Variants in STMN1 observed in about 807,000 individuals in gnomAD.
STMN1 encodes stathmin.
STMN1 carries 3 observed loss-of-function variants against 19.7 expected under a neutral mutation model. The observed-to-expected ratio is 0.15, with a 90% CI of 0.07 to 0.39. The LOEUF (loss-of-function observed/expected upper bound fraction) is 0.39. STMN1 is among the 10% of genes least tolerant of loss of function. STMN1 has a pLI of 1.00. For synonymous variants in STMN1, 59 were observed against 58.9 expected (o/e 1.00, Z -0.01); for missense variants, 99 against 176.0 (o/e 0.56, Z 2.48).
chr1:25,897,303 A>C (rs1436095600), downstream of STMN1, among the ~76,000 whole-genome samples: 9 of 140,762 alleles, frequency 6.4e-5, no homozygotes, highest in African/African-American at 2.4e-4. Context: ...ACAGAGCAAG[A>C]CTGTCTCGAA....
At chr1:25,898,861 G>A (rs1006507673), downstream of STMN1, among the ~76,000 whole-genome samples, 1 of 152,178 alleles carries the variant, frequency 6.6e-6, no homozygotes, top group Non-Finnish European at 1.5e-5. Context: ...TTCCCCAGAA[G>A]CTCGTAGGTG....
intron 4 of STMN1, among the ~76,000 whole-genome samples, chr1:25,890,828 G>A (rs569410179): frequency 6.6e-5 from 10 of 152,200 alleles, no homozygotes; most frequent in Non-Finnish European, 1.3e-4. Flanking sequence ...GAAAGAAGAG[G>A]TGAGCACAGG....
chr1:25,888,673 G>C (rs183930800), intron 4 of STMN1, among the ~76,000 whole-genome samples: 4 of 152,218 alleles, frequency 2.6e-5, no homozygotes, highest in South Asian at 4.2e-4. Context: ...AAAAACAGTG[G>C]CTTAAACAAG....
chr1:25,902,821 G>GGT (rs1213743030), intron 3 of STMN1: 1 of 152,164 alleles, frequency 6.6e-6, no homozygotes, highest in Non-Finnish European at 1.5e-5. Context: ...TCTTCGGGCG[G>GGT]GTGTGTGTGT....
chr1:25,898,300 T>C (rs1165435003), downstream of STMN1, among the ~76,000 whole-genome samples: 1 of 152,196 alleles, frequency 6.6e-6, no homozygotes, highest in East Asian at 1.9e-4. Flanking sequence ...TTCATCTGAC[T>C]TCCAAAAGGA....
At chr1:25,896,815 G>C (rs1026654677), downstream of STMN1, among the ~76,000 whole-genome samples, 3 of 152,142 alleles carry the variant, frequency 2.0e-5, no homozygotes, top group Non-Finnish European at 4.4e-5. Context: ...TTTCACCTGG[G>C]CAAAAAGGGA....
intron 4 of STMN1, among the ~76,000 whole-genome samples, chr1:25,886,332 A>T (rs1029908234): frequency 6.6e-6 from 1 of 152,218 alleles, no homozygotes; most frequent in African/African-American, 2.4e-5. Flanking sequence ...TCTATTCTCC[A>T]TCATTAGCTT....
chr1:25,901,116 T>TC (rs2048867429), intron 4 of STMN1, 29 bp from the exon 5 acceptor site: 3 of 969,326 alleles, frequency 3.1e-6, no homozygotes, highest in Non-Finnish European at 2.6e-6. Flanking sequence ...GTGTCATCAG[T>TC]CAAAAAAAAA....
In STMN1 at chr1:25,905,126, T is replaced by A. The variant is rs188347829; in HGVS notation, c.-62-388A>T. On this transcript the variant is annotated intron_variant, in intron 1 of 4. Coordinates refer to ENST00000455785, the MANE Select transcript of STMN1 (RefSeq NM_005563.4). ...TCTTAATACTGCCTACAACTCATTG[T>A]GCAAATGAAATACCCACCCCTGCTT... The A allele has an allele frequency of 1.2e-3, 183 of 157,784 alleles. 2 individuals are homozygous for A. Among genetic ancestry groups the A allele is most frequent in the Non-Finnish European group, 2.0e-3 (146 of 71,734 alleles). 9.8% of individuals were successfully genotyped at this position (157,784 alleles called of 1,614,324 possible). A position where few individuals can be genotyped will look rare whatever the true frequency, so the allele number is the denominator to read the frequency against.
chr1:25,904,160 T>A (rs1443401891), intron 2 of STMN1, among the ~76,000 whole-genome samples: 4 of 151,908 alleles, frequency 2.6e-5, no homozygotes, highest in Admixed American at 6.6e-5. Context: ...AAAAAAAATT[T>A]TTTTTGATTA....
At chr1:25,898,418 C>T (rs1410941058), downstream of STMN1, among the ~76,000 whole-genome samples, 5 of 152,122 alleles carry the variant, frequency 3.3e-5, no homozygotes, top group African/African-American at 2.4e-5. Context: ...AGTATGTGGT[C>T]GAGAGCCTCA....
intron 4 of STMN1, among the ~76,000 whole-genome samples, chr1:25,890,590 C>T (rs1172005415): frequency 6.6e-6 from 1 of 152,208 alleles, no homozygotes; most frequent in East Asian, 1.9e-4. Context: ...TCCAGGTTTC[C>T]GGCATTGTGC....
At chr1:25,885,996 G>C in intron 4 of STMN1, 3 of 1,308,090 alleles carry the variant, frequency 2.3e-6, no homozygotes, top group Non-Finnish European at 3.0e-6. Flanking sequence ...ATCATCCAGG[G>C]ATCTTTAAAA....
In STMN1 at chr1:25,892,230, A is replaced by C. The variant is rs567185316; in HGVS notation, c.379-6361T>G. On this transcript the variant is annotated intron_variant, in intron 4 of 4. Transcript: ENST00000426559. ...TGGCAAAACCTCGTCTCTACTAAAA[A>C]TACAAAAATTAGCTGGGCATGGTGG... Among the ~76,000 whole-genome samples the C allele has an allele frequency of 6.1e-4, 93 of 152,312 alleles. 1 individual carries two copies. The South Asian group carries it at 0.018, about 29-fold the overall frequency.
Position 25,900,437 on chromosome 1 carries a change from C to A in STMN1, c.*579G>T, listed in dbSNP as rs1051399652. 8 of 985,708 alleles carry A rather than the reference C, an allele frequency of 8.1e-6. No homozygotes were observed. Among genetic ancestry groups the A allele is most frequent in the Non-Finnish European group, 9.6e-6 (8 of 829,970 alleles). 61.1% of individuals were successfully genotyped at this position (985,708 alleles called of 1,614,324 possible). A position where few individuals can be genotyped will look rare whatever the true frequency, so the allele number is the denominator to read the frequency against. ...AACCACACTGGGGCAAGAAACGGGG[C>A]AGAGAACGTGCGGTCATTTGTGCGT... On this transcript the variant is annotated 3_prime_UTR_variant, in exon 5 of 5. Coordinates refer to ENST00000455785, the MANE Select transcript of STMN1 (RefSeq NM_005563.4).
At chr1:25,899,074 C>G (rs914615532), downstream of STMN1, among the ~76,000 whole-genome samples, 27 of 152,186 alleles carry the variant, frequency 1.8e-4, no homozygotes, top group African/African-American at 6.5e-4. Context: ...TTTCCTGTGA[C>G]TTAAGCCTGT....
chr1:25,904,929 A>G (rs1382017622), intron 1 of STMN1, 191 bp from the exon 2 acceptor site: 3 of 406,990 alleles, frequency 7.4e-6, no homozygotes, highest in Non-Finnish European at 1.3e-5. Flanking sequence ...TGAATATGAT[A>G]TTGGTTCCAG....
intron 4 of STMN1, among the ~76,000 whole-genome samples, chr1:25,890,501 A>C (rs2048762703): frequency 6.6e-6 from 1 of 152,228 alleles, no homozygotes; most frequent in Non-Finnish European, 1.5e-5. Context: ...GTTGACCAGA[A>C]ACTGACCTTT....
intron 4 of STMN1, among the ~76,000 whole-genome samples, chr1:25,894,902 C>A (rs1174896800): frequency 6.6e-6 from 1 of 151,780 alleles, no homozygotes; most frequent in Non-Finnish European, 1.5e-5. Flanking sequence ...GAAATTCTAC[C>A]TCCAAAGGTC....
Sources: gnomAD v4.1 joint callset for allele counts (sites outside exome capture counted in the v4.1 genomes callset) on GRCh38, gnomAD v4.1.1 for gene constraint, MANE v1.5 for transcripts, NCBI Gene and HGNC (gene_info 2026-07-23, HGNC 2026-07-21) for gene names.